Variants in SHANK2 observed in about 807,000 individuals in gnomAD.
The protein encoded by SHANK2 is SH3 and multiple ankyrin repeat domains protein 2.
In SHANK2, 43 loss-of-function variants were observed where a neutral mutation model predicts 133.7. That is an observed-to-expected ratio of 0.32 (90% confidence interval 0.25 to 0.41). The LOEUF (loss-of-function observed/expected upper bound fraction) is 0.41, where lower values mean the gene tolerates loss of function less well. Ranked by LOEUF, SHANK2 falls within the 10% of genes least tolerant of loss-of-function variation. The pLI is 1.00. For synonymous variants in SHANK2, 1,017 were observed against 952.8 expected (o/e 1.07, Z -1.24); for missense variants, 1,994 against 2,235.8 (o/e 0.89, Z 2.18).
At chr11:71,095,551 A>G (rs1206803829) in intron 6 of SHANK2, among the ~76,000 whole-genome samples, 2 of 152,164 alleles carry the variant, frequency 1.3e-5, no homozygotes, top group African/African-American at 2.4e-5. Flanking sequence ...AAACACCAAC[A>G]ATGAATATTC....
At chr11:70,894,571 A>C (rs574967265) in intron 11 of SHANK2, among the ~76,000 whole-genome samples, 2 of 152,278 alleles carry the variant, frequency 1.3e-5, no homozygotes, top group East Asian at 3.9e-4. Context: ...CCATGGGGCA[A>C]GACTTAGGGT....
intron 3 of SHANK2, among the ~76,000 whole-genome samples, chr11:71,136,059 T>C (rs1242648737): frequency 6.6e-6 from 1 of 152,076 alleles, no homozygotes; most frequent in Non-Finnish European, 1.5e-5. Context: ...ACATTCTGGT[T>C]GCGACGGCTG....
At chr11:70,724,928 G>T (rs986155511) in intron 14 of SHANK2, among the ~76,000 whole-genome samples, 4 of 152,230 alleles carry the variant, frequency 2.6e-5, no homozygotes, top group Admixed American at 2.6e-4. Context: ...TGAGATGGGT[G>T]AGATAAGAAA....
Position 71,188,855 on chromosome 11 carries a change from G to A in SHANK2, c.-13+35842C>T, listed in dbSNP as rs544599197. Reference sequence around the variant, plus strand: ...GACCCTGACCTTCTCTCTAGCAGGGGTCACCCCTCACAGAGGCAAGTGATG... The same window carrying A: ...GACCCTGACCTTCTCTCTAGCAGGGATCACCCCTCACAGAGGCAAGTGATG... On this transcript the variant is annotated intron_variant, in intron 2 of 25. Coordinates refer to ENST00000601538, the MANE Select transcript of SHANK2 (RefSeq NM_012309.5). This position sits in a 1 kb window ranked among gnomAD's most constrained non-coding sequence, Gnocchi z 4.6. 2.0e-5 allele frequency among the ~76,000 whole-genome samples: 3 copies of A among 152,298 alleles called. No individual in the cohort carries two copies. In the East Asian group the frequency reaches 5.8e-4, roughly 29 times the overall value.
chr11:70,940,779 C>T (rs1283295387), intron 10 of SHANK2, among the ~76,000 whole-genome samples: 1 of 152,174 alleles, frequency 6.6e-6, no homozygotes, highest in Non-Finnish European at 1.5e-5. Flanking sequence ...AAAAGATTTA[C>T]AGCCTATGTG....
chr11:71,079,568 G>A (rs1440629818), intron 8 of SHANK2, among the ~76,000 whole-genome samples: 1 of 151,870 alleles, frequency 6.6e-6, no homozygotes, highest in Non-Finnish European at 1.5e-5. Flanking sequence ...AGACCATCCT[G>A]GCTAACACAG....
intron 14 of SHANK2, among the ~76,000 whole-genome samples, chr11:70,748,034 G>A (rs1946679909): frequency 6.7e-6 from 1 of 148,634 alleles, no homozygotes; most frequent in Non-Finnish European, 1.5e-5. Flanking sequence ...GCTGAAACGG[G>A]GGTTATCTTG....
At chr11:70,755,194 C>A (rs1946841103) in intron 14 of SHANK2, among the ~76,000 whole-genome samples, 1 of 152,054 alleles carries the variant, frequency 6.6e-6, no homozygotes, top group Non-Finnish European at 1.5e-5. Flanking sequence ...GACTTGGCCT[C>A]CCAAGTAACT....
chr11:71,086,472 TATA>T (rs1951420609), intron 8 of SHANK2, among the ~76,000 whole-genome samples: 1 of 137,224 alleles, frequency 7.3e-6, no homozygotes, highest in Non-Finnish European at 1.5e-5. Context: ...TTATGTAATA[TATA>T]ATTTGTTATA....
intron 14 of SHANK2, among the ~76,000 whole-genome samples, chr11:70,775,152 T>C (rs1947334455): frequency 6.6e-6 from 1 of 152,134 alleles, no homozygotes; most frequent in South Asian, 2.1e-4. Flanking sequence ...AAGGCAATCC[T>C]GTCTCTTAAA....
chr11:70,929,480 G>A (rs571009093), intron 10 of SHANK2, among the ~76,000 whole-genome samples: 12 of 152,330 alleles, frequency 7.9e-5, no homozygotes, highest in African/African-American at 2.9e-4. Context: ...CCTGGAGGCA[G>A]TAAGGAAGAA....
intron 15 of SHANK2, among the ~76,000 whole-genome samples, chr11:70,679,102 G>C (rs140324273): frequency 6.6e-6 from 1 of 152,332 alleles, no homozygotes; most frequent in African/African-American, 2.4e-5. Flanking sequence ...CCGTGCAAAT[G>C]CAGGTAGTAA....
chr11:70,520,844 C>T (rs1249039934), intron 17 of SHANK2, among the ~76,000 whole-genome samples: 1 of 152,190 alleles, frequency 6.6e-6, no homozygotes, highest in Non-Finnish European at 1.5e-5. Context: ...CAAATTGTCC[C>T]GGCCGTGGTC....
chr11:71,198,344 C>A (rs1953950625), intron 2 of SHANK2, among the ~76,000 whole-genome samples: 1 of 152,168 alleles, frequency 6.6e-6, no homozygotes, highest in African/African-American at 2.4e-5. Context: ...TTAGGATCTC[C>A]CCCTGTGGGG....
At chr11:71,167,658 C>T (rs1370211174) in intron 2 of SHANK2, among the ~76,000 whole-genome samples, 1 of 145,600 alleles carries the variant, frequency 6.9e-6, no homozygotes, top group Non-Finnish European at 1.5e-5. Context: ...GACAGCTGGC[C>T]GGGCGGGGGG....
chr11:71,063,855 A>G (rs1951015368), intron 9 of SHANK2, among the ~76,000 whole-genome samples: 1 of 151,952 alleles, frequency 6.6e-6, no homozygotes, highest in Non-Finnish European at 1.5e-5. Context: ...TAATAAATGT[A>G]CCTCCCCACG....
chr11:70,842,957 T>C (rs1948931092), intron 11 of SHANK2, among the ~76,000 whole-genome samples: 1 of 152,102 alleles, frequency 6.6e-6, no homozygotes, highest in Non-Finnish European at 1.5e-5. Flanking sequence ...GTCATCTGAC[T>C]ACCCTGACGC....
intron 17 of SHANK2, among the ~76,000 whole-genome samples, chr11:70,519,669 T>C (rs2059306660): frequency 6.6e-6 from 1 of 152,038 alleles, no homozygotes. Flanking sequence ...AAAAGTGCCA[T>C]TATGAACTCA....
At chr11:70,785,666 C>T (rs976810368) in intron 14 of SHANK2, among the ~76,000 whole-genome samples, 3 of 152,242 alleles carry the variant, frequency 2.0e-5, no homozygotes, top group South Asian at 2.1e-4. Context: ...TCCAGGTGGC[C>T]GGAGCTGCCG....
Sources: allele counts gnomAD v4.1 joint callset (sites outside exome capture counted in the v4.1 genomes callset), GRCh38; gene constraint gnomAD v4.1.1; non-coding constraint Gnocchi (gnomAD v3.1); transcripts MANE v1.5; gene names NCBI Gene and HGNC (gene_info 2026-07-23, HGNC 2026-07-21).